ITGBL1: variants seen among roughly 807,000 people sequenced by gnomAD.
ITGBL1 encodes the protein integrin subunit beta like 1, also known as integrin beta-like protein 1.
A neutral mutation model predicts 68.5 loss-of-function variants in ITGBL1; 51 were observed. That is an observed-to-expected ratio of 0.74 (90% confidence interval 0.59 to 0.94). ITGBL1 has a LOEUF of 0.94. ITGBL1 is among the 40% of genes least tolerant of loss of function. ITGBL1 has a pLI of 0.00. For missense variants in ITGBL1, 649 were observed against 647.4 expected (o/e 1.00, Z -0.03); for synonymous variants, 209 against 227.3 (o/e 0.92, Z 0.72).
At chr13:101,485,272 A>T (rs2048684896) in intron 2 of ITGBL1, among the ~76,000 whole-genome samples, 2 of 152,240 alleles carry the variant, frequency 1.3e-5, no homozygotes, top group African/African-American at 4.8e-5. Flanking sequence ...ACACTAAGTC[A>T]TGAAAAGAAC....
chr13:101,585,101 T>C (rs1925990), intron 6 of ITGBL1, among the ~76,000 whole-genome samples: 44,859 of 151,864 alleles, frequency 0.3, 6,817 homozygotes, highest in East Asian at 0.47. Context: ...GGGGGCTTTT[T>C]ACCTTCCTGC....
At chr13:101,647,832 A>G (rs967217932) in intron 7 of ITGBL1, among the ~76,000 whole-genome samples, 1 of 152,214 alleles carries the variant, frequency 6.6e-6, no homozygotes, top group Non-Finnish European at 1.5e-5. Flanking sequence ...TCTCCAAAGC[A>G]TTTGCCAATT....
At chr13:101,714,998 C>T (rs952288671) in intron 10 of ITGBL1, 15 of 168,224 alleles carry the variant, frequency 8.9e-5, no homozygotes, top group Non-Finnish European at 1.7e-4. Flanking sequence ...AGGGCTCAGC[C>T]GTGTCATAGC....
chr13:101,670,590 A>C (rs772463411), intron 7 of ITGBL1, among the ~76,000 whole-genome samples: 2 of 152,188 alleles, frequency 1.3e-5, no homozygotes, highest in Non-Finnish European at 2.9e-5. Flanking sequence ...TTATTTCATG[A>C]TGACATGTGA....
intron 9 of ITGBL1, chr13:101,711,230 C>A (rs1398187927): frequency 6.6e-6 from 1 of 152,214 alleles, no homozygotes; most frequent in Non-Finnish European, 1.5e-5. Context: ...CAAGCTAGAT[C>A]CAGATAATCA....
intron 2 of ITGBL1, among the ~76,000 whole-genome samples, chr13:101,455,930 C>T (rs2048237495): frequency 6.6e-6 from 1 of 152,152 alleles, no homozygotes; most frequent in African/African-American, 2.4e-5. Flanking sequence ...TAAGATGCAG[C>T]CTTTAACTGG....
Position 101,605,012 on chromosome 13 carries a change from G to GTATATGTATATATACATATACGCA in ITGBL1, c.1015+6720_1015+6721insATATATACATATACGCATATATGT, listed in dbSNP as rs2030661609. 1.6e-4 allele frequency among the ~76,000 whole-genome samples: 5 copies of GTATATGTATATATACATATACGCA among 32,056 alleles called. 1 individual carries two copies. The highest frequency in any genetic ancestry group is 4.0e-4 in the African/African-American group (5 of 12,394). 21.0% of individuals were successfully genotyped at this position (32,056 alleles called of 152,430 possible). A position where few individuals can be genotyped will look rare whatever the true frequency, so the allele number is the denominator to read the frequency against. ...TGTATATGTATATATACATATATGC[G>GTATATGTATATATACATATACGCA]TATATGTGTATATGTATATATACAT... On this transcript the variant is annotated intron_variant, in intron 7 of 10. Transcript: ENST00000376180.
At chr13:101,711,762 G>A (rs555396225) in intron 9 of ITGBL1, 6 of 152,190 alleles carry the variant, frequency 3.9e-5, no homozygotes, top group Non-Finnish European at 7.3e-5. Context: ...TGATTCCCCA[G>A]GGATGGAAGC....
chr13:101,534,957 G>A (rs1374633552), intron 2 of ITGBL1, among the ~76,000 whole-genome samples: 13 of 152,120 alleles, frequency 8.5e-5, no homozygotes, highest in Admixed American at 7.9e-4. Flanking sequence ...GAGAGATGGA[G>A]CATTTGTCAA....
At chr13:101,712,797 A>T (rs1163064062) in intron 9 of ITGBL1, 1 of 152,184 alleles carries the variant, frequency 6.6e-6, no homozygotes, top group East Asian at 1.9e-4. Flanking sequence ...AATGTGAAAG[A>T]AAGTCTTCAA....
chr13:101,569,425 A>G (rs141035487), intron 3 of ITGBL1, among the ~76,000 whole-genome samples: 169 of 152,310 alleles, frequency 1.1e-3, no homozygotes, highest in African/African-American at 3.9e-3. Flanking sequence ...CATATTTGAT[A>G]CAATGTAAAC....
At chr13:101,650,605 T>A (rs544877354) in intron 7 of ITGBL1, among the ~76,000 whole-genome samples, 44 of 151,048 alleles carry the variant, frequency 2.9e-4, no homozygotes, top group African/African-American at 9.4e-4. Flanking sequence ...GCTGGCCAGG[T>A]GACTTCTTTT....
intron 2 of ITGBL1, among the ~76,000 whole-genome samples, chr13:101,501,704 T>C (rs991431305): frequency 6.6e-6 from 1 of 152,168 alleles, no homozygotes; most frequent in African/African-American, 2.4e-5. Context: ...GACCTTAGGC[T>C]CTACTCCCCA....
At chr13:101,477,475 A>T (rs2048554503) in intron 2 of ITGBL1, among the ~76,000 whole-genome samples, 1 of 152,070 alleles carries the variant, frequency 6.6e-6, no homozygotes, top group Admixed American at 6.6e-5. Flanking sequence ...GGAAGAAAAT[A>T]GTGAAGATCA....
intron 2 of ITGBL1, among the ~76,000 whole-genome samples, chr13:101,518,517 A>G (rs2049231714): frequency 6.6e-6 from 1 of 152,154 alleles, no homozygotes; most frequent in African/African-American, 2.4e-5. Context: ...TGCTCCTGTC[A>G]TTCAGAATCT....
At chr13:101,466,239 T>C (rs1490829298) in intron 2 of ITGBL1, among the ~76,000 whole-genome samples, 1 of 152,236 alleles carries the variant, frequency 6.6e-6, no homozygotes, top group Non-Finnish European at 1.5e-5. Context: ...AAAGTTCTTA[T>C]CACACCTCAT....
chr13:101,589,155 C>T lies in ITGBL1; in HGVS notation c.868+5799C>T, dbSNP rs16959136. On this transcript the variant is annotated intron_variant, in intron 6 of 10. Coordinates refer to ENST00000376180, the MANE Select transcript of ITGBL1 (RefSeq NM_004791.3). ...AAAAGCAAAAGTTATGTTTCTGTTTCAACTCTGTCAATTAATCTGTAATAA... is the reference window on the plus strand; with the variant it reads ...AAAAGCAAAAGTTATGTTTCTGTTTTAACTCTGTCAATTAATCTGTAATAA... Among the ~76,000 whole-genome samples the T allele has an allele frequency of 9.0e-3, 1,375 of 152,232 alleles. 21 individuals are homozygous for T. Among genetic ancestry groups the T allele is most frequent in the African/African-American group, 0.031 (1,299 of 41,536 alleles).
At chr13:101,678,377 AT>A (rs2033556500) in intron 7 of ITGBL1, among the ~76,000 whole-genome samples, 1 of 151,944 alleles carries the variant, frequency 6.6e-6, no homozygotes, top group African/African-American at 2.4e-5. Flanking sequence ...TATATTATGT[AT>A]TTTTCTATTG....
At chr13:101,503,473 G>A (rs2048976239) in intron 2 of ITGBL1, among the ~76,000 whole-genome samples, 2 of 152,160 alleles carry the variant, frequency 1.3e-5, no homozygotes. Flanking sequence ...TCCTTTCTTG[G>A]GGGCTGGGAT....
Sources: gnomAD v4.1 joint callset for allele counts (sites outside exome capture counted in the v4.1 genomes callset) on GRCh38, gnomAD v4.1.1 for gene constraint, MANE v1.5 for transcripts, NCBI Gene and HGNC (gene_info 2026-07-23, HGNC 2026-07-21) for gene names.